The following SMG6 variants were observed in gnomAD, a reference collection of about 807,000 sequenced individuals.
SMG6 encodes the protein telomerase-binding protein EST1A.
SMG6 carries 66 observed loss-of-function variants against 142.2 expected under a neutral mutation model. That is an observed-to-expected ratio of 0.46 (90% CI 0.38 to 0.57). The LOEUF (loss-of-function observed/expected upper bound fraction) is 0.57, where lower values mean the gene tolerates loss of function less well. SMG6 is among the 20% of genes least tolerant of loss of function. The pLI, the probability that SMG6 is intolerant of heterozygous loss-of-function variation, is 0.00. For synonymous variants in SMG6, 779 were observed against 702.4 expected, an observed-to-expected ratio of 1.11 and a Z score of -1.72; for missense variants, 1,793 against 1,832.0, an observed-to-expected ratio of 0.98 and a Z score of 0.39.
chr17:2,121,693 T>G lies in SMG6; in HGVS notation c.3358-35792A>C, dbSNP rs2069707611. 3.4e-5 allele frequency among the ~76,000 whole-genome samples: 5 copies of G among 146,624 alleles called. No homozygotes were observed. In the South Asian group the frequency reaches 1.1e-3, roughly 32 times the overall value. The stretch of plus-strand genomic sequence containing the variant: ...CAGGCTGGAGTACAGTAGCATGATT[T>G]TGGGCTCACTACAGCCTTGACCTCC... On this transcript the variant is annotated intron_variant, in intron 13 of 18. Coordinates refer to ENST00000263073, the MANE Select transcript of SMG6 (RefSeq NM_017575.5).
intron 13 of SMG6, among the ~76,000 whole-genome samples, chr17:2,153,931 G>A (rs2070914200): frequency 6.9e-6 from 1 of 145,976 alleles, no homozygotes; most frequent in Admixed American, 6.9e-5. Context: ...GGGGGAACCT[G>A]GGGATGCACG....
chr17:2,192,960 T>C (rs1019350083), intron 10 of SMG6, among the ~76,000 whole-genome samples: 1 of 152,218 alleles, frequency 6.6e-6, no homozygotes, highest in Non-Finnish European at 1.5e-5. Flanking sequence ...CAGGCACTAA[T>C]ACACCCAAGC....
At chr17:2,242,160 A>C (rs2073817210) in intron 9 of SMG6, among the ~76,000 whole-genome samples, 1 of 152,090 alleles carries the variant, frequency 6.6e-6, no homozygotes, top group South Asian at 2.1e-4. Context: ...CAAAGGAAAA[A>C]AGGAGAGAAA....
intron 13 of SMG6, among the ~76,000 whole-genome samples, chr17:2,152,837 G>A (rs1597478531): frequency 6.6e-6 from 1 of 151,682 alleles, no homozygotes; most frequent in East Asian, 1.9e-4. Context: ...CAAGAGAAAT[G>A]AAAACCTAAG....
At position 2,299,886 on chromosome 17, in the gene SMG6, C is replaced by CCTCTCCTTG; in HGVS notation, c.858_866dup (p.Glu288_Arg289insSerLysGlu). 6.2e-7 allele frequency: 1 copy of CCTCTCCTTG among 1,614,136 alleles called. No homozygotes were observed. Among genetic ancestry groups the CCTCTCCTTG allele is most frequent in the Non-Finnish European group, 8.5e-7 (1 of 1,179,984 alleles). ...CAGACACTTGCTTCTTCAGTCGTGG[C>CCTCTCCTTG]CTCTCCTTGGTCCTATCCTGTCGGC... On this transcript the variant is annotated inframe_insertion, in exon 2 of 19. Transcript: ENST00000263073. This position sits in a 1 kb window ranked among gnomAD's most constrained non-coding sequence, Gnocchi z 4.3.
intron 13 of SMG6, among the ~76,000 whole-genome samples, chr17:2,134,419 CAAAAAAAAAAAA>C (rs58429166): frequency 2.7e-3 from 77 of 28,728 alleles, no homozygotes; most frequent in African/African-American, 0.012. Flanking sequence ...GACTCCATCT[CAAAAAAAAAAAA>C]AAAAAAAAAA....
intron 13 of SMG6, among the ~76,000 whole-genome samples, chr17:2,110,025 T>C (rs1353211133): frequency 7.0e-6 from 1 of 142,568 alleles, no homozygotes; most frequent in Non-Finnish European, 1.5e-5. Context: ...GAGGTTGCAG[T>C]GAGCAGAGAT....
intron 13 of SMG6, among the ~76,000 whole-genome samples, chr17:2,151,815 C>T (rs903159): frequency 0.34 from 51,554 of 151,954 alleles, 9,304 homozygotes; most frequent in African/African-American, 0.46. Context: ...TGAGTATGTT[C>T]TGAGAACTGA....
At chr17:2,067,221 G>T in intron 16 of SMG6, among the ~76,000 whole-genome samples, 1 of 152,132 alleles carries the variant, frequency 6.6e-6, no homozygotes, top group East Asian at 1.9e-4. Flanking sequence ...CACCGAATCC[G>T]GATTTCCTTA....
At chr17:2,190,843 T>C (rs1016317720) in intron 10 of SMG6, among the ~76,000 whole-genome samples, 2 of 152,224 alleles carry the variant, frequency 1.3e-5, no homozygotes, top group Non-Finnish European at 2.9e-5. Context: ...TGCCTGCTTA[T>C]GTGTCTGGTC....
chr17:2,239,666 T>C (rs1214774000), intron 9 of SMG6, among the ~76,000 whole-genome samples: 1 of 152,240 alleles, frequency 6.6e-6, no homozygotes, highest in Admixed American at 6.5e-5. Context: ...GGGTAATTTT[T>C]TATTTGTTCT....
intron 12 of SMG6, among the ~76,000 whole-genome samples, chr17:2,182,490 T>C (rs1182930126): frequency 1.3e-5 from 2 of 151,826 alleles, no homozygotes; most frequent in Non-Finnish European, 2.9e-5. Context: ...TTAATAACAG[T>C]CCAGGGGGTA....
In SMG6 at chr17:2,206,400, C is replaced by T. The variant is rs1373268390; in HGVS notation, c.2870-17885G>A. On this transcript the variant is annotated intron_variant, in intron 10 of 18. Coordinates refer to ENST00000263073, the MANE Select transcript of SMG6 (RefSeq NM_017575.5). ...CAGCCTGGGCAACATAGTGAGACCC[C>T]ATCTCTACAAAAAAAATAAATAAAT... 2.6e-5 allele frequency among the ~76,000 whole-genome samples: 4 copies of T among 151,462 alleles called. No individual in the cohort carries two copies. In the East Asian group the frequency reaches 5.8e-4, roughly 22 times the overall value.
intron 8 of SMG6, among the ~76,000 whole-genome samples, chr17:2,273,487 GC>G (rs2074583182): frequency 6.6e-6 from 1 of 152,176 alleles, no homozygotes; most frequent in African/African-American, 2.4e-5. Context: ...ACACAAATTA[GC>G]CAGGCATGGT....
intron 12 of SMG6, among the ~76,000 whole-genome samples, chr17:2,174,581 G>A (rs1441187706): frequency 6.6e-6 from 1 of 152,098 alleles, no homozygotes; most frequent in Non-Finnish European, 1.5e-5. Context: ...TCACACAACG[G>A]CACATAATCA....
At chr17:2,104,172 T>C (rs187618235) in intron 13 of SMG6, among the ~76,000 whole-genome samples, 1,615 of 151,772 alleles carry the variant, frequency 0.011, 32 homozygotes, top group African/African-American at 0.036. Context: ...AGGATGGTCT[T>C]GATCTCCTGA....
rs1284511207 is a variant in SMG6, at chr17:2,236,621, C to T, written c.2740G>A (p.Ala914Thr). 11 of 1,612,520 alleles carry T rather than the reference C, an allele frequency of 6.8e-6. No homozygotes were observed. Among genetic ancestry groups the T allele is most frequent in the Non-Finnish European group, 9.3e-6 (11 of 1,179,326 alleles). ...TCCTTGAGGACCTTCTCAGCCACTG[C>T]AGGGAATGTCTCCATCCTGCAGATT... ...FTRIGMETFPAVAEKVLKEFQ... is the reference protein window; with the variant it reads ...FTRIGMETFPTVAEKVLKEFQ... The change falls in exon 10 of 19, where the codon GCA becomes ACA. Residue 914 changes from alanine to threonine, a missense_variant. Around this residue, in one of 3 missense-constraint regions of SMG6, gnomAD observed 1,597 missense variants for 1,584.6 expected, o/e 1.01. Coordinates refer to ENST00000263073, the MANE Select transcript of SMG6 (RefSeq NM_017575.5).
chr17:2,170,720 A>G (rs1030273023), intron 13 of SMG6, among the ~76,000 whole-genome samples: 4 of 152,208 alleles, frequency 2.6e-5, no homozygotes, highest in African/African-American at 9.6e-5. Flanking sequence ...AAGTGCATCC[A>G]AAGAGTATGA....
chr17:2,087,998 G>A (rs2068611444), intron 13 of SMG6: 1 of 985,834 alleles, frequency 1.0e-6, no homozygotes, highest in African/African-American at 1.7e-5. Flanking sequence ...CCTTCTTGGT[G>A]TGAGGCTGCT....
Sources: gnomAD v4.1 joint callset for allele counts (sites outside exome capture counted in the v4.1 genomes callset) on GRCh38, gnomAD v4.1.1 for gene constraint, gnomAD v4.1.1 regional missense constraint, Gnocchi (gnomAD v3.1) non-coding constraint, MANE v1.5 for transcripts, NCBI Gene and HGNC (gene_info 2026-07-23, HGNC 2026-07-21) for gene names.